The following GRID2 variants were observed in gnomAD, a reference collection of about 807,000 sequenced individuals.
GRID2 encodes glutamate receptor ionotropic, delta-2.
In GRID2, 33 loss-of-function variants were observed where a neutral mutation model predicts 114.8. The ratio of observed to expected loss-of-function variants is 0.29; its 90% confidence interval spans 0.22 to 0.38. The LOEUF (loss-of-function observed/expected upper bound fraction) is 0.38. GRID2 is among the 10% of genes least tolerant of loss of function. The pLI is 1.00. For synonymous variants in GRID2, 505 were observed against 449.9 expected (o/e 1.12, Z -1.55); for missense variants, 1,184 against 1,257.7 (o/e 0.94, Z 0.89).
chr4:93,520,151 C>A (rs1287274152), intron 13 of GRID2, among the ~76,000 whole-genome samples: 1 of 152,140 alleles, frequency 6.6e-6, no homozygotes, highest in Non-Finnish European at 1.5e-5. Context: ...CTTGAACCTG[C>A]TATTTTACAT....
At chr4:93,445,989 A>G (rs1213671573) in intron 10 of GRID2, among the ~76,000 whole-genome samples, 1 of 152,026 alleles carries the variant, frequency 6.6e-6, no homozygotes, top group Admixed American at 6.6e-5. Context: ...CAGATTTCAA[A>G]AAAGCACACT....
chr4:93,437,999 C>A (rs983829156), intron 10 of GRID2, among the ~76,000 whole-genome samples: 4 of 151,968 alleles, frequency 2.6e-5, no homozygotes, highest in Non-Finnish European at 4.4e-5. Flanking sequence ...GAGAGAGAGA[C>A]CTTCTTTTTG....
At chr4:92,965,424 C>G (rs1224885483) in intron 2 of GRID2, among the ~76,000 whole-genome samples, 1 of 101,170 alleles carries the variant, frequency 9.9e-6, no homozygotes, top group Non-Finnish European at 1.9e-5. Flanking sequence ...TTGTTTGATA[C>G]AGGGTTGCCA....
intron 13 of GRID2, among the ~76,000 whole-genome samples, chr4:93,598,622 G>A (rs529462328): frequency 3.9e-5 from 6 of 152,264 alleles, no homozygotes; most frequent in East Asian, 1.9e-4. Flanking sequence ...ATTTCCATAT[G>A]AGCAAGTTAT....
intron 2 of GRID2, among the ~76,000 whole-genome samples, chr4:92,748,358 G>T (rs1737258547): frequency 6.6e-6 from 1 of 152,120 alleles, no homozygotes; most frequent in African/African-American, 2.4e-5. Flanking sequence ...TGGAGGACCA[G>T]CGACACCACC....
intron 10 of GRID2, among the ~76,000 whole-genome samples, chr4:93,448,157 G>T (rs1411990219): frequency 6.6e-6 from 1 of 151,790 alleles, no homozygotes; most frequent in East Asian, 1.9e-4. Flanking sequence ...AGGAAAAGGG[G>T]AAAGTAGGGG....
chr4:92,819,123 T>C (rs1174526703), intron 2 of GRID2, among the ~76,000 whole-genome samples: 2 of 152,120 alleles, frequency 1.3e-5, no homozygotes, highest in African/African-American at 4.8e-5. Context: ...AGCATGAGCA[T>C]GAGCAAATGT....
At chr4:93,169,024 G>C (rs1051846779) in intron 4 of GRID2, among the ~76,000 whole-genome samples, 2 of 151,918 alleles carry the variant, frequency 1.3e-5, no homozygotes, top group East Asian at 3.9e-4. Flanking sequence ...ATGACTAGGG[G>C]ATCATTCAGT....
At chr4:92,394,329 G>C (rs910668162) in intron 1 of GRID2, among the ~76,000 whole-genome samples, 2 of 151,926 alleles carry the variant, frequency 1.3e-5, no homozygotes, top group Non-Finnish European at 2.9e-5. Context: ...TATTTGAAAT[G>C]GTTCTTTACT....
At position 92,505,464 on chromosome 4, in the gene GRID2, GTTCTTA is replaced by G. The variant is rs546995617; in HGVS notation, c.89-84660_89-84655del. On this transcript the variant is annotated intron_variant, in intron 1 of 15. Coordinates refer to ENST00000282020, the MANE Select transcript of GRID2 (RefSeq NM_001510.4). The stretch of plus-strand genomic sequence containing the variant: ...GCAAGTTAACATATATAAAACACCT[GTTCTTA>G]TTCTTAAGCATGCACAGCATAGTGA... Among the ~76,000 whole-genome samples the G allele has an allele frequency of 9.8e-4, 149 of 151,906 alleles. 2 individuals carry two copies. Among genetic ancestry groups the G allele is most frequent in the Admixed American group, 8.3e-3 (126 of 15,206 alleles).
intron 11 of GRID2, among the ~76,000 whole-genome samples, chr4:93,459,588 A>G (rs968626840): frequency 1.3e-5 from 2 of 152,224 alleles, no homozygotes; most frequent in Admixed American, 6.5e-5. Context: ...ATACCTAGAT[A>G]TAATTAACCT....
Position 92,789,789 on chromosome 4 carries a change from TCA to T in GRID2, c.244+199509_244+199510del, listed in dbSNP as rs551489935. Among the ~76,000 whole-genome samples the T allele has an allele frequency of 1.6e-4, 25 of 152,090 alleles. No homozygotes were observed. The East Asian group carries it at 4.7e-3, about 28-fold the overall frequency. ...GTTGTTGGTATTTCTCTGCTGGTTATCACACACGTCCACTGATTTCTTTATAT... is the reference window on the plus strand; with the variant it reads ...GTTGTTGGTATTTCTCTGCTGGTTATCACACGTCCACTGATTTCTTTATAT... On this transcript the variant is annotated intron_variant, in intron 2 of 15. Coordinates refer to ENST00000282020, the MANE Select transcript of GRID2 (RefSeq NM_001510.4).
intron 14 of GRID2, among the ~76,000 whole-genome samples, chr4:93,746,949 A>T (rs1271118322): frequency 6.6e-6 from 1 of 151,978 alleles, no homozygotes; most frequent in African/African-American, 2.4e-5. Context: ...GGATTAGAGA[A>T]TTTTTTTCAC....
intron 1 of GRID2, among the ~76,000 whole-genome samples, chr4:92,444,674 T>C (rs1183710000): frequency 6.6e-6 from 1 of 152,134 alleles, no homozygotes; most frequent in Non-Finnish European, 1.5e-5. Context: ...ATGGATATAA[T>C]GTAAAAAGGG....
chr4:92,921,627 A>T (rs890432871), intron 2 of GRID2, among the ~76,000 whole-genome samples: 1 of 152,106 alleles, frequency 6.6e-6, no homozygotes, highest in South Asian at 2.1e-4. Flanking sequence ...GACCCTGTTT[A>T]CCTGAGTATC....
At chr4:92,661,784 A>G (rs1732532981) in intron 2 of GRID2, among the ~76,000 whole-genome samples, 1 of 151,060 alleles carries the variant, frequency 6.6e-6, no homozygotes, top group Admixed American at 6.6e-5. Context: ...TACACAATAA[A>G]TTGTGTCAAT....
intron 4 of GRID2, among the ~76,000 whole-genome samples, chr4:93,160,569 C>T (rs1364438739): frequency 6.6e-6 from 1 of 151,742 alleles, no homozygotes; most frequent in Non-Finnish European, 1.5e-5. Context: ...GGCAAGGTTC[C>T]TTTCCCCTCT....
At chr4:93,191,765 G>A (rs1487364402) in intron 4 of GRID2, among the ~76,000 whole-genome samples, 2 of 152,052 alleles carry the variant, frequency 1.3e-5, no homozygotes, top group African/African-American at 2.4e-5. Context: ...TTATTGTCAA[G>A]TAATATGTAA....
At chr4:93,009,230 C>T (rs541287140) in intron 2 of GRID2, among the ~76,000 whole-genome samples, 2 of 152,212 alleles carry the variant, frequency 1.3e-5, no homozygotes, top group Admixed American at 1.3e-4. Context: ...AAACAATATA[C>T]ACATGGCCTT....
Sources: gnomAD v4.1 joint callset for allele counts (sites outside exome capture counted in the v4.1 genomes callset) on GRCh38, gnomAD v4.1.1 for gene constraint, MANE v1.5 for transcripts, NCBI Gene and HGNC (gene_info 2026-07-23, HGNC 2026-07-21) for gene names.